The following SLC4A7 variants were observed in gnomAD, a reference collection of about 807,000 sequenced individuals.
SLC4A7 encodes solute carrier family 4 member 7.
In SLC4A7, 51 loss-of-function variants were observed where a neutral mutation model predicts 137.6. That is an observed-to-expected ratio of 0.37 (90% CI 0.30 to 0.47). The LOEUF (loss-of-function observed/expected upper bound fraction) is 0.47, where lower values mean the gene tolerates loss of function less well. Ranked by LOEUF, SLC4A7 falls within the 20% of genes least tolerant of loss-of-function variation. The pLI is 1.00. For synonymous variants in SLC4A7, 542 were observed against 518.6 expected (o/e 1.05, Z -0.61); for missense variants, 1,247 against 1,525.4 (o/e 0.82, Z 3.04).
intron 13 of SLC4A7, among the ~76,000 whole-genome samples, chr3:27,408,172 G>C (rs988940878): frequency 1.3e-5 from 2 of 152,132 alleles, no homozygotes; most frequent in Non-Finnish European, 2.9e-5. Context: ...TTGAGGACAG[G>C]AGATACTGGC....
At chr3:27,448,265 T>C (rs1009136393) in intron 3 of SLC4A7, among the ~76,000 whole-genome samples, 1 of 149,930 alleles carries the variant, frequency 6.7e-6, no homozygotes, top group East Asian at 1.9e-4. Context: ...ATCACTTCCA[T>C]GACAGCCTTA....
chr3:27,380,970 A>G (rs1200855125), intron 24 of SLC4A7, among the ~76,000 whole-genome samples: 3 of 152,246 alleles, frequency 2.0e-5, no homozygotes, highest in African/African-American at 7.2e-5. Context: ...TAGATAGGAA[A>G]AAATTTGCCT....
rs1392163567 is a variant in SLC4A7, at chr3:27,484,334, C to T, written c.-208G>A. 2 of 356,576 alleles carry T rather than the reference C, an allele frequency of 5.6e-6. No homozygotes were observed. Among genetic ancestry groups the T allele is most frequent in the Non-Finnish European group, 9.9e-6 (2 of 201,836 alleles). The allele number at this position is 356,576 out of a possible 1,614,324, so 22.1% of individuals were successfully genotyped here. A position where few individuals can be genotyped will look rare whatever the true frequency, so the allele number is the denominator to read the frequency against. The stretch of plus-strand genomic sequence containing the variant: ...GCGTGTGCGCGCTGCGACTGCTGGG[C>T]TGGCTTTAGTAGGAGAGCGAGGCCG... On this transcript the variant is annotated 5_prime_UTR_variant, in exon 1 of 26. Transcript: ENST00000454389.
At chr3:27,410,085 T>G (rs2053759095) in intron 12 of SLC4A7, among the ~76,000 whole-genome samples, 1 of 152,210 alleles carries the variant, frequency 6.6e-6, no homozygotes, top group South Asian at 2.1e-4. Context: ...AAAAACTATT[T>G]CAGTATATTT....
At chr3:27,447,640 C>CTTTTTTTTTTTTTTTTTTTTTTTTTTT in intron 3 of SLC4A7, among the ~76,000 whole-genome samples, 2 of 99,700 alleles carry the variant, frequency 2.0e-5, no homozygotes, top group Non-Finnish European at 3.7e-5. Context: ...TTTTACAGCC[C>CTTTTTTTTTTTTTTTTTTTTTTTTTTT]TTTTTTTTTT....
intron 7 of SLC4A7, among the ~76,000 whole-genome samples, chr3:27,425,009 A>G (rs1180140768): frequency 6.6e-6 from 1 of 152,234 alleles, no homozygotes; most frequent in Non-Finnish European, 1.5e-5. Flanking sequence ...TAATAAAAAC[A>G]CAGCTTAATA....
chr3:27,475,584 T>C (rs2059429850), intron 1 of SLC4A7, among the ~76,000 whole-genome samples: 1 of 152,034 alleles, frequency 6.6e-6, no homozygotes, highest in South Asian at 2.1e-4. Flanking sequence ...ATAAAATAGC[T>C]CAATAAGATA....
At chr3:27,447,368 C>G (rs565809169) in intron 3 of SLC4A7, among the ~76,000 whole-genome samples, 1 of 152,164 alleles carries the variant, frequency 6.6e-6, no homozygotes, top group Non-Finnish European at 1.5e-5. Context: ...AGAATTTGCA[C>G]TTTAGATTTT....
At chr3:27,478,531 C>G (rs1395441720) in intron 1 of SLC4A7, among the ~76,000 whole-genome samples, 1 of 134,174 alleles carries the variant, frequency 7.5e-6, no homozygotes, top group Admixed American at 7.3e-5. Flanking sequence ...AAAAAAAAAA[C>G]CCAACAACAT....
At chr3:27,426,186 G>A (rs746352270) in intron 7 of SLC4A7, among the ~76,000 whole-genome samples, 27 of 152,204 alleles carry the variant, frequency 1.8e-4, no homozygotes, top group Admixed American at 3.9e-4. Context: ...ATGTTGATGT[G>A]ACGAAAAATC....
chr3:27,425,817 T>C (rs2055547895), intron 7 of SLC4A7, among the ~76,000 whole-genome samples: 1 of 152,100 alleles, frequency 6.6e-6, no homozygotes, highest in South Asian at 2.1e-4. Context: ...CAAGGTTTTC[T>C]AGTGCAAGAA....
intron 1 of SLC4A7, among the ~76,000 whole-genome samples, chr3:27,457,256 T>C (rs887330631): frequency 1.3e-5 from 2 of 152,114 alleles, no homozygotes; most frequent in African/African-American, 4.8e-5. Context: ...TACACAATAA[T>C]AAAGCCATTA....
At chr3:27,463,928 C>A (rs2058835959) in intron 1 of SLC4A7, among the ~76,000 whole-genome samples, 2 of 152,178 alleles carry the variant, frequency 1.3e-5, no homozygotes, top group African/African-American at 4.8e-5. Flanking sequence ...GTTTTGTCTA[C>A]AACACCAGCA....
At chr3:27,391,241 C>T (rs1559641636) in intron 21 of SLC4A7, among the ~76,000 whole-genome samples, 1 of 152,154 alleles carries the variant, frequency 6.6e-6, no homozygotes, top group East Asian at 1.9e-4. Context: ...TAATAATCTT[C>T]AATAAGTCCT....
chr3:27,431,186 A>G, intron 7 of SLC4A7, 112 bp downstream of exon 7: 1 of 1,110,298 alleles, frequency 9.0e-7, no homozygotes, highest in Non-Finnish European at 1.2e-6. Flanking sequence ...AAGTCAAAAT[A>G]AATTATAAGC....
At chr3:27,440,544 A>C (rs2057109705) in intron 3 of SLC4A7, among the ~76,000 whole-genome samples, 1 of 152,048 alleles carries the variant, frequency 6.6e-6, no homozygotes, top group African/African-American at 2.4e-5. Context: ...CCTGGCCAGC[A>C]TGGTGAAACC....
At chr3:27,471,036 T>C (rs916605949) in intron 1 of SLC4A7, among the ~76,000 whole-genome samples, 1 of 152,216 alleles carries the variant, frequency 6.6e-6, no homozygotes, top group Non-Finnish European at 1.5e-5. Flanking sequence ...ACCTCTTCAC[T>C]TGATCTTAGC....
In SLC4A7 at chr3:27,400,739, AC is replaced by A. The variant is rs759121936; in HGVS notation, c.2427+24del. Reference sequence around the variant, plus strand: ...GAACCAGATCAATATCTATTACAAAACCCTTTATTTCAAAATATACTCACAG... The same window carrying A: ...GAACCAGATCAATATCTATTACAAAACCTTTATTTCAAAATATACTCACAG... On this transcript the variant is annotated intron_variant, in intron 16 of 25. Coordinates refer to ENST00000454389, the MANE Select transcript of SLC4A7 (RefSeq NM_001321103.2). 17 of 1,370,706 alleles carry A rather than the reference AC, an allele frequency of 1.2e-5. No homozygotes were observed. The African/African-American group carries it at 2.0e-4, about 16-fold the overall frequency. The allele number at this position is 1,370,706 out of a possible 1,614,324, so 84.9% of individuals were successfully genotyped here. A position where few individuals can be genotyped will look rare whatever the true frequency, so the allele number is the denominator to read the frequency against.
intron 13 of SLC4A7, among the ~76,000 whole-genome samples, chr3:27,406,479 C>T (rs1304715407): frequency 1.3e-5 from 2 of 152,090 alleles, no homozygotes; most frequent in African/African-American, 4.8e-5. Context: ...GAGAAGTGTC[C>T]GTGTTAATGA....
Sources: gnomAD v4.1 joint callset for allele counts (sites outside exome capture counted in the v4.1 genomes callset) on GRCh38, gnomAD v4.1.1 for gene constraint, MANE v1.5 for transcripts, NCBI Gene and HGNC (gene_info 2026-07-23, HGNC 2026-07-21) for gene names.